Variants in CCNL1 observed in about 807,000 individuals in gnomAD.
CCNL1 encodes cyclin-L1.
A neutral mutation model predicts 60.6 loss-of-function variants in CCNL1; 13 were observed. The observed-to-expected ratio is 0.21, with a 90% CI of 0.14 to 0.34. CCNL1 has a LOEUF of 0.34. Ranked by LOEUF, CCNL1 falls within the 10% of genes least tolerant of loss-of-function variation. The probability of loss-of-function intolerance (pLI) is 1.00; values close to 1 mark genes in which losing one functional copy is unlikely to be tolerated. For missense variants in CCNL1, 481 were observed against 664.3 expected (o/e 0.72, Z 3.03); for synonymous variants, 270 against 244.3 (o/e 1.10, Z -0.98).
At chr3:157,152,036 T>G in intron 5 of CCNL1, 141 bp downstream of exon 5, 1 of 1,477,940 alleles carries the variant, frequency 6.8e-7, no homozygotes, top group Non-Finnish European at 9.0e-7. Flanking sequence ...TTATTTACCT[T>G]TTGGTTAAAA....
intron 3 of CCNL1, chr3:157,153,825 G>A (rs1238618318): frequency 1.3e-5 from 2 of 152,050 alleles, no homozygotes; most frequent in Non-Finnish European, 1.5e-5. Flanking sequence ...TTAATAATTT[G>A]TTCTAAGAGC....
intron 5 of CCNL1, chr3:157,151,045 T>G (rs918308498): frequency 4.1e-6 from 4 of 984,884 alleles, no homozygotes; most frequent in Non-Finnish European, 1.2e-6. Context: ...ATTCCTAAAC[T>G]ATCAAAGAAA....
chr3:157,145,398 AC>A (rs1280439762), downstream of CCNL1, among the ~76,000 whole-genome samples: 1 of 132,212 alleles, frequency 7.6e-6, no homozygotes, highest in Non-Finnish European at 1.6e-5. Context: ...AGATCGTGCC[AC>A]TGCACTCCAG....
Position 157,150,295 on chromosome 3 carries a change from G to C in CCNL1, c.761C>G (p.Ala254Gly). The C allele has an allele frequency of 6.2e-7, 1 of 1,613,790 alleles. No homozygotes were observed. Among genetic ancestry groups the C allele is most frequent in the Non-Finnish European group, 8.5e-7 (1 of 1,179,784 alleles). The change falls in exon 6 of 11, where the codon GCT becomes GGT. Residue 254 changes from alanine to glycine, a missense_variant. Around this residue, in one of 5 missense-constraint regions of CCNL1, gnomAD observed 75 missense variants for 129.6 expected, o/e 0.58. Coordinates refer to ENST00000295926, the MANE Select transcript of CCNL1 (RefSeq NM_020307.4). Reference protein sequence around the residue: ...TIACACIYLAARALQIPLPTR... With the variant: ...TIACACIYLAGRALQIPLPTR... ...ATATACACCTACCTGAAGTGCTCTA[G>C]CTGCAAGGTAGATGCAAGCACATGC...
At chr3:157,149,185 TA>T in intron 10 of CCNL1, 101 bp downstream of exon 10, 1 of 951,620 alleles carries the variant, frequency 1.1e-6, no homozygotes, top group Non-Finnish European at 1.6e-6. Context: ...AGCCTAATTC[TA>T]ACCTAACTTT....
At chr3:157,152,270 C>T (rs73154633) in intron 4 of CCNL1, 29 bp from the exon 5 acceptor site, 397,651 of 1,596,912 alleles carry the variant, frequency 0.25, 52,343 homozygotes, top group Admixed American at 0.46. Flanking sequence ...AAACTCAATT[C>T]AGTATACTGG....
downstream of CCNL1, among the ~76,000 whole-genome samples, chr3:157,145,162 C>T (rs1014168113): frequency 3.9e-5 from 6 of 152,046 alleles, no homozygotes; most frequent in African/African-American, 1.2e-4. Flanking sequence ...TTTTGCCGGG[C>T]GCGGTGGCTC....
downstream of CCNL1, among the ~76,000 whole-genome samples, chr3:157,143,557 G>C (rs1047216616): frequency 6.6e-6 from 1 of 152,206 alleles, no homozygotes; most frequent in Non-Finnish European, 1.5e-5. Flanking sequence ...ATAAACTACA[G>C]AGCTGCCCCT....
intron 5 of CCNL1, chr3:157,151,283 A>G: frequency 2.0e-6 from 2 of 985,632 alleles, no homozygotes; most frequent in Non-Finnish European, 2.4e-6. Flanking sequence ...TATAAAAATT[A>G]CTTCACTAAG....
intron 3 of CCNL1, chr3:157,153,984 T>C (rs1158445923): frequency 6.6e-6 from 1 of 152,156 alleles, no homozygotes; most frequent in African/African-American, 2.4e-5. Context: ...TGCTTTACTA[T>C]TAACACAGAA....
intron 3 of CCNL1, among the ~76,000 whole-genome samples, chr3:157,156,431 G>A (rs75044822): frequency 0.033 from 5,088 of 152,216 alleles, 202 homozygotes; most frequent in South Asian, 0.18. Flanking sequence ...ACCAGTCTTT[G>A]AAAATTTTAA....
In CCNL1 at chr3:157,153,205, A is replaced by G. The variant is rs567291455; in HGVS notation, c.489-49T>C. 5 of 1,574,134 alleles carry G rather than the reference A, an allele frequency of 3.2e-6. No homozygotes were observed. In the Admixed American group the frequency reaches 6.0e-5, roughly 19 times the overall value. ...CAAAACTGTTTTGCACATCCAAAAA[A>G]TTTTATTTGTGGCATCTCCATTTTC... On this transcript the variant is annotated intron_variant, in intron 3 of 10. Coordinates refer to ENST00000295926, the MANE Select transcript of CCNL1 (RefSeq NM_020307.4).
At chr3:157,143,946 A>AACCTACTGT, downstream of CCNL1, among the ~76,000 whole-genome samples, 2 of 152,212 alleles carry the variant, frequency 1.3e-5, no homozygotes, top group Non-Finnish European at 2.9e-5. Context: ...CTTTAAATAG[A>AACCTACTGT]TCATTTTACC....
At chr3:157,146,622 A>G, downstream of CCNL1, 1 of 372,176 alleles carries the variant, frequency 2.7e-6, no homozygotes, top group Non-Finnish European at 5.2e-6. Flanking sequence ...AAAAAAAAAA[A>G]AAAAAGTTAA....
chr3:157,149,519 C>T lies in CCNL1; in HGVS notation c.1099G>A (p.Asp367Asn). The T allele has an allele frequency of 6.2e-7, 1 of 1,614,092 alleles. No homozygotes were observed. Among genetic ancestry groups the T allele is most frequent in the South Asian group, 1.1e-5 (1 of 91,082 alleles). Residue 367 changes from aspartate to asparagine, a missense_variant, in exon 9 of 11, where the codon GAT becomes AAT. Around this residue, in one of 5 missense-constraint regions of CCNL1, gnomAD observed 197 missense variants for 233.9 expected, o/e 0.84. Transcript: ENST00000295926. ...GGGCTTTTGGAAGCCTGTTGTCTAT[C>T]CTCAGGTTCTTTTTTGACTGTCTTC... is the stretch of plus-strand genomic sequence containing the variant. ...NVKTVKKEPEDRQQASKSPYN... is the reference protein window; with the variant it reads ...NVKTVKKEPENRQQASKSPYN...
rs1362905495 is a variant in CCNL1, at chr3:157,159,483, C to A, written c.304-4G>T. The A allele has an allele frequency of 6.2e-7, 1 of 1,603,610 alleles. No individual in the cohort carries two copies. Among genetic ancestry groups the A allele is most frequent in the Non-Finnish European group, 8.5e-7 (1 of 1,175,018 alleles). ...CCTGCCCCGTTGCCATCGCCACCTG[C>A]AGACAAGAGAGGAGAACGGAAGCGC... On this transcript the variant is annotated splice_region_variant and splice_polypyrimidine_tract_variant and intron_variant, in intron 1 of 10. Transcript: ENST00000295926.
downstream of CCNL1, among the ~76,000 whole-genome samples, chr3:157,147,029 T>C (rs1363676797): frequency 6.6e-6 from 1 of 152,210 alleles, no homozygotes; most frequent in Non-Finnish European, 1.5e-5. Flanking sequence ...TTTTAAGTCT[T>C]TGGAATCTCC....
intron 3 of CCNL1, among the ~76,000 whole-genome samples, chr3:157,155,284 C>G (rs1309747034): frequency 6.6e-6 from 1 of 152,140 alleles, no homozygotes; most frequent in African/African-American, 2.4e-5. Context: ...CTTAAGATAA[C>G]CTGCTTTAAG....
rs1251245983 is a variant in CCNL1, at chr3:157,150,149, G to C, written c.795C>G (p.Pro265=). 6.2e-7 allele frequency: 1 copy of C among 1,612,038 alleles called. No individual in the cohort carries two copies. The highest frequency in any genetic ancestry group is 1.7e-5 in the Admixed American group (1 of 59,406). The change falls in exon 7 of 11, where the codon CCC becomes CCG. Residue 265 remains proline (P), a synonymous_variant. Transcript: ENST00000295926. ...RALQIPLPTR[P]HWFLLFGTTE... ...TAGTACCAAAAAGAAGAAACCAATG[G>C]GGACGAGTTGGCAACGGAATCTAAA... is the stretch of plus-strand genomic sequence containing the variant.
Sources: gnomAD v4.1 joint callset for allele counts (sites outside exome capture counted in the v4.1 genomes callset) on GRCh38, gnomAD v4.1.1 for gene constraint, gnomAD v4.1.1 regional missense constraint, MANE v1.5 for transcripts, NCBI Gene and HGNC (gene_info 2026-07-23, HGNC 2026-07-21) for gene names.